The following PAK6 variants were observed in gnomAD, a reference collection of about 807,000 sequenced individuals.
PAK6 encodes p21 (RAC1) activated kinase 6.
In PAK6, 33 loss-of-function variants were observed where a neutral mutation model predicts 60.8. The ratio of observed to expected loss-of-function variants is 0.54; its 90% CI spans 0.41 to 0.73. PAK6 has a LOEUF of 0.73. Among genes scored for constraint, PAK6 ranks in the 30% least tolerant of loss-of-function variants. The pLI is 0.00. For synonymous variants in PAK6, 404 were observed against 378.5 expected, an observed-to-expected ratio of 1.07 and a Z score of -0.78; for missense variants, 845 against 904.1, an observed-to-expected ratio of 0.93 and a Z score of 0.84.
chr15:40,261,276 T>G (rs925088092), intron 3 of PAK6, among the ~76,000 whole-genome samples: 11 of 150,954 alleles, frequency 7.3e-5, no homozygotes, highest in African/African-American at 2.7e-4. Context: ...CGGTGGCTCA[T>G]GCCTGTAATC....
exon 8 of PAK6, chr15:40,273,448 C>T (rs2039366332): frequency 6.2e-7 from 1 of 1,613,882 alleles, no homozygotes; most frequent in Non-Finnish European, 8.5e-7. Context: ...AGAGTGACTC[C>T]ATCCTGCTGA....
At chr15:40,270,626 CACAGTGGATGGTG>C (rs2039274613) in intron 5 of PAK6, among the ~76,000 whole-genome samples, 1 of 152,090 alleles carries the variant, frequency 6.6e-6, no homozygotes, top group African/African-American at 2.4e-5. Flanking sequence ...GTCACAGTGT[CACAGTGGATGGTG>C]ACAGTCAGGT....
At chr15:40,247,977 G>A (rs905373208) in intron 2 of PAK6, among the ~76,000 whole-genome samples, 5 of 152,136 alleles carry the variant, frequency 3.3e-5, no homozygotes, top group African/African-American at 1.2e-4. Context: ...ACCCCGTTTG[G>A]GGGTGCTGCT....
intron 7 of PAK6, 27 bp from the exon 8 acceptor site, chr15:40,273,319 A>G (rs1566858485): frequency 1.9e-6 from 3 of 1,609,416 alleles, no homozygotes; most frequent in Non-Finnish European, 1.7e-6. Flanking sequence ...GTTCTCTTTC[A>G]TCGGGTGGCC....
intron 4 of PAK6, 45 bp downstream of exon 4, chr15:40,265,034 C>CA: frequency 6.4e-7 from 1 of 1,562,612 alleles, no homozygotes; most frequent in Non-Finnish European, 8.7e-7. Context: ...TCCCAGTACT[C>CA]AGACAACCAT....
At chr15:40,241,793 C>A (rs987911455) in intron 2 of PAK6, among the ~76,000 whole-genome samples, 7 of 152,204 alleles carry the variant, frequency 4.6e-5, no homozygotes, top group Non-Finnish European at 8.8e-5. Flanking sequence ...CCAAGGAAAG[C>A]CCGCTCTGTG....
chr15:40,260,453 T>C (rs1359309442), intron 3 of PAK6: 4 of 152,248 alleles, frequency 2.6e-5, no homozygotes, highest in Non-Finnish European at 5.9e-5. Context: ...TTCTGTTCCA[T>C]TGGTCTATTT....
chr15:40,252,832 G>C, intron 2 of PAK6: 1 of 1,287,312 alleles, frequency 7.8e-7, no homozygotes, highest in Non-Finnish European at 1.0e-6. Flanking sequence ...GGCATCTGGA[G>C]CTCCGCGTCC....
intron 2 of PAK6, among the ~76,000 whole-genome samples, chr15:40,244,403 A>AT (rs146019058): frequency 0.02 from 2,778 of 136,636 alleles, 76 homozygotes; most frequent in African/African-American, 0.065. Context: ...TTTTCTTTTT[A>AT]TTTTTTTTTT....
At chr15:40,266,785 G>T in intron 5 of PAK6, 1 of 363,626 alleles carries the variant, frequency 2.8e-6, no homozygotes, top group Admixed American at 4.4e-5. Context: ...TAGTCCAGGG[G>T]CAGCAGGAGG....
In PAK6 at chr15:40,252,813, T is replaced by C. The variant is rs751538490; in HGVS notation, c.-117-365T>C. 10 of 1,295,324 alleles carry C rather than the reference T, an allele frequency of 7.7e-6. No individual in the cohort carries two copies. In the African/African-American group the frequency reaches 1.4e-4, roughly 18 times the overall value. 80.2% of individuals were successfully genotyped at this position (1,295,324 alleles called of 1,614,324 possible). A position where few individuals can be genotyped will look rare whatever the true frequency, so the allele number is the denominator to read the frequency against. On this transcript the variant is annotated intron_variant, in intron 2 of 10. Transcript: ENST00000560346. ...ACCAGCCGGCGCCAGGCGAGGGGCC[T>C]TGGGCGCAGGCATCTGGAGCTCCGC...
At chr15:40,273,644 G>A in exon 9 of PAK6, 1 of 1,614,064 alleles carries the variant, frequency 6.2e-7, no homozygotes, top group South Asian at 1.1e-5. Context: ...GATGGCTCCT[G>A]AAGTGATCTC....
chr15:40,248,732 C>T (rs919145427), intron 2 of PAK6, among the ~76,000 whole-genome samples: 8 of 148,074 alleles, frequency 5.4e-5, no homozygotes, highest in South Asian at 2.1e-4. Context: ...TCCTCCTACC[C>T]GCACCCCAGC....
At chr15:40,263,433 G>A (rs1399870384) in intron 3 of PAK6, among the ~76,000 whole-genome samples, 4 of 152,094 alleles carry the variant, frequency 2.6e-5, no homozygotes, top group Non-Finnish European at 4.4e-5. Flanking sequence ...CCCTGAAGGC[G>A]AAACTAGAGC....
intron 2 of PAK6, chr15:40,244,935 C>T (rs2038457754): frequency 6.6e-6 from 1 of 152,234 alleles, no homozygotes; most frequent in African/African-American, 2.4e-5. Flanking sequence ...CACGACACAT[C>T]AGGCAGGGCA....
intron 10 of PAK6, 21 bp from the exon 11 acceptor site, chr15:40,275,906 C>G: frequency 6.3e-7 from 1 of 1,590,954 alleles, no homozygotes; most frequent in Non-Finnish European, 8.6e-7. Flanking sequence ...GTGGCTTCAT[C>G]TTACTGCCCT....
chr15:40,267,841 A>T (rs2039188961), intron 5 of PAK6, among the ~76,000 whole-genome samples: 1 of 152,194 alleles, frequency 6.6e-6, no homozygotes, highest in African/African-American at 2.4e-5. Context: ...CAGAAAACCA[A>T]CGTAAGATCA....
At chr15:40,245,760 G>A (rs2038479380) in intron 2 of PAK6, 1 of 152,348 alleles carries the variant, frequency 6.6e-6, no homozygotes, top group Non-Finnish European at 1.5e-5. Flanking sequence ...ACTAATGGCA[G>A]AGTCAGTTTC....
chr15:40,260,414 T>G (rs2038952525), intron 3 of PAK6: 1 of 152,236 alleles, frequency 6.6e-6, no homozygotes, highest in Admixed American at 6.5e-5. Flanking sequence ...AATGACCTCA[T>G]AAGAGTGGGT....
Sources: allele counts gnomAD v4.1 joint callset (sites outside exome capture counted in the v4.1 genomes callset), GRCh38; gene constraint gnomAD v4.1.1; transcripts MANE v1.5; gene names NCBI Gene and HGNC (gene_info 2026-07-23, HGNC 2026-07-21).